Variants in RALGPS1 observed in about 807,000 individuals in gnomAD.
RALGPS1 encodes the protein Ral GEF with PH domain and SH3 binding motif 1, also known as ras-specific guanine nucleotide-releasing factor RalGPS1.
A neutral mutation model predicts 78.8 loss-of-function variants in RALGPS1; 19 were observed. The ratio of observed to expected loss-of-function variants is 0.24; its 90% CI spans 0.17 to 0.35. RALGPS1 has a LOEUF of 0.35. Ranked by LOEUF, RALGPS1 falls within the 10% of genes least tolerant of loss-of-function variation. The pLI, the probability that RALGPS1 is intolerant of heterozygous loss-of-function variation, is 1.00. For synonymous variants in RALGPS1, 228 were observed against 256.3 expected (o/e 0.89, Z 1.06); for missense variants, 454 against 688.3 (o/e 0.66, Z 3.81).
intron 1 of RALGPS1, among the ~76,000 whole-genome samples, chr9:126,924,204 A>G (rs936427083): frequency 3.3e-5 from 5 of 152,194 alleles, no homozygotes; most frequent in Admixed American, 6.5e-5. Flanking sequence ...CTAATAAACC[A>G]TGCCCACGGT....
intron 1 of RALGPS1, among the ~76,000 whole-genome samples, chr9:126,928,564 C>T (rs1335968291): frequency 1.3e-5 from 2 of 151,934 alleles, no homozygotes; most frequent in African/African-American, 4.8e-5. Flanking sequence ...TCAAATCCTG[C>T]CTTTGCACAA....
intron 7 of RALGPS1, among the ~76,000 whole-genome samples, chr9:127,066,372 G>A (rs1012450405): frequency 6.6e-6 from 1 of 152,270 alleles, no homozygotes; most frequent in African/African-American, 2.4e-5. Context: ...CGGGCATGGT[G>A]GCTCATGCCT....
chr9:127,196,469 TC>T lies in RALGPS1; in HGVS notation c.1038-3del. On this transcript the variant is annotated splice_region_variant and splice_polypyrimidine_tract_variant and intron_variant, in intron 12 of 18. Transcript: ENST00000259351. ...TTGCCTTCTTTCTTCCTTTCCATTT[TC>T]CAGTATGATGTGTCAGTTGAGTGTA... 1 of 1,608,666 alleles carries T rather than the reference TC, an allele frequency of 6.2e-7. No homozygotes were observed. The highest frequency in any genetic ancestry group is 1.7e-4 in the Middle Eastern group (1 of 6,036).
intron 5 of RALGPS1, among the ~76,000 whole-genome samples, chr9:127,041,057 G>GTGTGTGTGTGTGTGTGTGTGTGTA (rs1325483907): frequency 2.0e-5 from 3 of 151,450 alleles, no homozygotes; most frequent in African/African-American, 7.3e-5. Flanking sequence ...GTGTGTGTGT[G>GTGTGTGTGTGTGTGTGTGTGTGTA]TGTGTGTGTA....
At chr9:126,991,468 A>G (rs898063490) in intron 4 of RALGPS1, among the ~76,000 whole-genome samples, 2 of 152,230 alleles carry the variant, frequency 1.3e-5, no homozygotes, top group East Asian at 1.9e-4. Context: ...AAATAACACA[A>G]AACAGAGCCT....
chr9:127,024,885 A>G (rs763348181), intron 4 of RALGPS1, among the ~76,000 whole-genome samples: 6 of 151,948 alleles, frequency 3.9e-5, no homozygotes, highest in African/African-American at 9.7e-5. Flanking sequence ...GCAATGCTCT[A>G]TGGTTGGACT....
rs60442898 is a variant in RALGPS1, at chr9:127,045,730, T to TACAC, written c.301-4285_301-4282dup. On this transcript the variant is annotated intron_variant, in intron 5 of 18. Coordinates refer to ENST00000259351, the MANE Select transcript of RALGPS1 (RefSeq NM_014636.3). ...AGATATGTGTATAGGCATGGGTTAGTACACACACACACACACACACACACA... is the reference window on the plus strand; with the variant it reads ...AGATATGTGTATAGGCATGGGTTAGTACACACACACACACACACACACACACACA... Among the ~76,000 whole-genome samples the TACAC allele has an allele frequency of 2.0e-4, 29 of 141,496 alleles. No individual in the cohort carries two copies. In the East Asian group the frequency reaches 3.5e-3, roughly 17 times the overall value. The allele number at this position is 141,496 out of a possible 152,430, so 92.8% of individuals were successfully genotyped here. A position where few individuals can be genotyped will look rare whatever the true frequency, so the allele number is the denominator to read the frequency against.
At chr9:127,089,100 T>C in intron 8 of RALGPS1, 1 of 1,614,164 alleles carries the variant, frequency 6.2e-7, no homozygotes, top group Non-Finnish European at 8.5e-7. Flanking sequence ...GCACAGGCGT[T>C]ATACCACCAG....
At chr9:127,118,147 C>T (rs780618016) in intron 8 of RALGPS1, among the ~76,000 whole-genome samples, 13 of 152,136 alleles carry the variant, frequency 8.5e-5, no homozygotes, top group Non-Finnish European at 1.5e-4. Flanking sequence ...CTCCGCCTCC[C>T]GGGTTCAAGG....
intron 10 of RALGPS1, among the ~76,000 whole-genome samples, chr9:127,169,049 T>C (rs2059433249): frequency 6.6e-6 from 1 of 152,214 alleles, no homozygotes; most frequent in South Asian, 2.1e-4. Context: ...AGTAAGGTGT[T>C]GTGTTAACTT....
chr9:126,951,145 A>G (rs2037774887), intron 1 of RALGPS1, among the ~76,000 whole-genome samples: 1 of 151,936 alleles, frequency 6.6e-6, no homozygotes, highest in Admixed American at 6.6e-5. Flanking sequence ...GAATAGACCA[A>G]TAACAGGAGC....
chr9:127,097,840 C>T (rs1164964639), intron 8 of RALGPS1, among the ~76,000 whole-genome samples: 2 of 152,182 alleles, frequency 1.3e-5, no homozygotes, highest in Non-Finnish European at 2.9e-5. Flanking sequence ...CCCTTGGCTC[C>T]AATCTCGATG....
At chr9:126,934,071 A>G (rs929292436) in intron 1 of RALGPS1, among the ~76,000 whole-genome samples, 9 of 152,236 alleles carry the variant, frequency 5.9e-5, no homozygotes, top group Non-Finnish European at 1.2e-4. Flanking sequence ...ATGATGGGAA[A>G]GGAAAATAGT....
intron 8 of RALGPS1, among the ~76,000 whole-genome samples, chr9:127,131,283 C>T (rs2056987418): frequency 6.6e-6 from 1 of 152,210 alleles, no homozygotes; most frequent in Non-Finnish European, 1.5e-5. Context: ...TAACTGGTCA[C>T]TAAACTAGTC....
chr9:127,163,706 T>C (rs2059144463), intron 8 of RALGPS1, among the ~76,000 whole-genome samples: 2 of 152,260 alleles, frequency 1.3e-5, no homozygotes, highest in South Asian at 4.1e-4. Context: ...AAGTTACACA[T>C]CCTCTCTGAG....
intron 7 of RALGPS1, among the ~76,000 whole-genome samples, chr9:127,057,286 A>G (rs2048825143): frequency 6.6e-6 from 1 of 152,246 alleles, no homozygotes; most frequent in Non-Finnish European, 1.5e-5. Flanking sequence ...GGGACAGGGC[A>G]GGCCAGCTCT....
At chr9:126,932,388 C>T (rs781571406) in intron 1 of RALGPS1, among the ~76,000 whole-genome samples, 5 of 152,140 alleles carry the variant, frequency 3.3e-5, no homozygotes, top group African/African-American at 4.8e-5. Flanking sequence ...TCCTTGGTAT[C>T]GACCCAACTT....
At chr9:127,086,323 T>TG (rs1202603431) in intron 8 of RALGPS1, among the ~76,000 whole-genome samples, 1 of 152,228 alleles carries the variant, frequency 6.6e-6, no homozygotes, top group Non-Finnish European at 1.5e-5. Context: ...TTCAACAATA[T>TG]GGAGTCAATT....
chr9:127,115,292 C>T (rs912351584), intron 8 of RALGPS1, among the ~76,000 whole-genome samples: 3 of 152,272 alleles, frequency 2.0e-5, no homozygotes, highest in African/African-American at 7.2e-5. Context: ...CGCTTTCAAG[C>T]AGTTCTCCTG....
Sources: allele counts gnomAD v4.1 joint callset (sites outside exome capture counted in the v4.1 genomes callset), GRCh38; gene constraint gnomAD v4.1.1; transcripts MANE v1.5; gene names NCBI Gene and HGNC (gene_info 2026-07-23, HGNC 2026-07-21).